PIK3C2A: variants seen among roughly 807,000 people sequenced by gnomAD.
The protein encoded by PIK3C2A is phosphatidylinositol-4-phosphate 3-kinase catalytic subunit type 2 alpha, also known as phosphatidylinositol 4-phosphate 3-kinase C2 domain-containing subunit alpha.
Under a neutral mutation model 204.5 loss-of-function variants are expected in PIK3C2A, and 97 were observed. The observed-to-expected ratio is 0.47, with a 90% CI of 0.40 to 0.56. The LOEUF (loss-of-function observed/expected upper bound fraction) is 0.56. Ranked by LOEUF, PIK3C2A falls within the 20% of genes least tolerant of loss-of-function variation. The probability of loss-of-function intolerance (pLI) is 0.00; values close to 1 mark genes in which losing one functional copy is unlikely to be tolerated. For synonymous variants in PIK3C2A, 653 were observed against 664.4 expected (o/e 0.98, Z 0.26); for missense variants, 1,735 against 1,969.2 (o/e 0.88, Z 2.25).
chr11:17,147,275 C>G (rs1850272768), intron 6 of PIK3C2A, among the ~76,000 whole-genome samples: 1 of 152,090 alleles, frequency 6.6e-6, no homozygotes, highest in African/African-American at 2.4e-5. Context: ...AAGCTATTAC[C>G]AACCAAATTT....
At chr11:17,144,701 C>G (rs1236365325) in intron 8 of PIK3C2A, among the ~76,000 whole-genome samples, 1 of 151,842 alleles carries the variant, frequency 6.6e-6, no homozygotes, top group Non-Finnish European at 1.5e-5. Flanking sequence ...TCGAGACCAG[C>G]CTGGCCAACA....
intron 26 of PIK3C2A, 105 bp from the exon 27 acceptor site, chr11:17,097,369 A>G (rs1848484956): frequency 2.8e-6 from 2 of 703,158 alleles, no homozygotes; most frequent in Non-Finnish European, 4.8e-6. Flanking sequence ...AAAAATATTA[A>G]GCAGATTGTC....
intron 2 of PIK3C2A, among the ~76,000 whole-genome samples, chr11:17,160,815 C>A (rs1221016118): frequency 6.6e-6 from 1 of 152,074 alleles, no homozygotes; most frequent in Non-Finnish European, 1.5e-5. Flanking sequence ...CAGAGCAAGA[C>A]CCTGCCTTAA....
chr11:17,178,946 G>T (rs1406360492), intron 1 of PIK3C2A, among the ~76,000 whole-genome samples: 5 of 150,762 alleles, frequency 3.3e-5, no homozygotes, highest in Admixed American at 3.3e-4. Context: ...AGCCAGGATG[G>T]TCTCCATCTC....
At chr11:17,183,501 C>G (rs1232188597) in intron 1 of PIK3C2A, among the ~76,000 whole-genome samples, 3 of 151,980 alleles carry the variant, frequency 2.0e-5, no homozygotes, top group African/African-American at 7.2e-5. Context: ...CATGGTGAAA[C>G]CCCGTCTCTA....
chr11:17,174,215 G>C (rs1851265805), intron 1 of PIK3C2A, among the ~76,000 whole-genome samples: 1 of 152,138 alleles, frequency 6.6e-6, no homozygotes, highest in Admixed American at 6.5e-5. Context: ...ATATATGGTA[G>C]GAAAAATAAA....
In PIK3C2A at chr11:17,114,220, A is replaced by T. The variant is rs1849100506; in HGVS notation, c.3321+141T>A. On this transcript the variant is annotated intron_variant, in intron 20 of 32. Coordinates refer to ENST00000691414, the MANE Select transcript of PIK3C2A (RefSeq NM_002645.4). ...GGTAAAAAAATATGCTAAGATAAAT[A>T]TGGATCCTAATCACAACCATCCATG... 4 of 456,638 alleles carry T rather than the reference A, an allele frequency of 8.8e-6. No individual in the cohort carries two copies. In the South Asian group the frequency reaches 2.3e-4, roughly 26 times the overall value. The allele number at this position is 456,638 out of a possible 1,614,324, so 28.3% of individuals were successfully genotyped here.
chr11:17,188,055 G>A (rs1221972512), intron 1 of PIK3C2A, among the ~76,000 whole-genome samples: 1 of 152,002 alleles, frequency 6.6e-6, no homozygotes, highest in Non-Finnish European at 1.5e-5. Flanking sequence ...CGGGGATTTT[G>A]GGCCAGGCAT....
At chr11:17,154,500 C>T (rs1321022427) in intron 3 of PIK3C2A, among the ~76,000 whole-genome samples, 2 of 152,138 alleles carry the variant, frequency 1.3e-5, no homozygotes, top group East Asian at 3.8e-4. Flanking sequence ...TTAAAGCAGA[C>T]CACACTGAAG....
At chr11:17,194,334 C>G (rs1412483245) in intron 1 of PIK3C2A, 1 of 283,284 alleles carries the variant, frequency 3.5e-6, no homozygotes, top group African/African-American at 2.2e-5. Flanking sequence ...CGTGAGGACA[C>G]AAGGACTGGT....
chr11:17,202,555 CACAG>C (rs1395316351), intron 1 of PIK3C2A, among the ~76,000 whole-genome samples: 1 of 151,656 alleles, frequency 6.6e-6, no homozygotes, highest in Non-Finnish European at 1.5e-5. Context: ...GCCTGAGCGA[CACAG>C]AGAGAACCTC....
chr11:17,155,738 T>C, intron 2 of PIK3C2A, 109 bp from the exon 3 acceptor site: 1 of 563,280 alleles, frequency 1.8e-6, no homozygotes, highest in South Asian at 2.9e-5. Flanking sequence ...GCAATGGAGG[T>C]AAAATAAATC....
intron 20 of PIK3C2A, among the ~76,000 whole-genome samples, chr11:17,112,868 C>A (rs1213199685): frequency 6.6e-6 from 1 of 151,198 alleles, no homozygotes; most frequent in African/African-American, 2.5e-5. Context: ...TTCCCACAAC[C>A]TCTAACTCCT....
chr11:17,202,586 G>A (rs1852427348), intron 1 of PIK3C2A, among the ~76,000 whole-genome samples: 1 of 150,832 alleles, frequency 6.6e-6, no homozygotes. Flanking sequence ...AAAAAAAAAA[G>A]AACAGAACAC....
chr11:17,120,365 C>T (rs1232593188), intron 15 of PIK3C2A, among the ~76,000 whole-genome samples: 1 of 151,884 alleles, frequency 6.6e-6, no homozygotes, highest in African/African-American at 2.4e-5. Context: ...AAAAATACTA[C>T]TATAAAATTT....
chr11:17,094,064 G>A (rs770490962), intron 28 of PIK3C2A, among the ~76,000 whole-genome samples, 197 bp downstream of exon 28: 20 of 152,214 alleles, frequency 1.3e-4, no homozygotes, highest in Non-Finnish European at 2.4e-4. Flanking sequence ...TTAACATCCC[G>A]ATCATTTATT....
chr11:17,119,328 TA>T lies in PIK3C2A; in HGVS notation c.2847-16del. 6.8e-7 allele frequency: 1 copy of T among 1,471,884 alleles called. No homozygotes were observed. The highest frequency in any genetic ancestry group is 9.5e-7 in the Non-Finnish European group (1 of 1,052,086). The allele number at this position is 1,471,884 out of a possible 1,614,324, so 91.2% of individuals were successfully genotyped here. ...GATCAGCAAATCTAGAAGATTACCA[TA>T]AAACCAAGATTGGACAGTGATTTCT... On this transcript the variant is annotated splice_polypyrimidine_tract_variant and intron_variant, in intron 16 of 32. Coordinates refer to ENST00000691414, the MANE Select transcript of PIK3C2A (RefSeq NM_002645.4).
intron 4 of PIK3C2A, among the ~76,000 whole-genome samples, chr11:17,149,622 G>C (rs1335608771): frequency 6.6e-6 from 1 of 151,920 alleles, no homozygotes; most frequent in Non-Finnish European, 1.5e-5. Context: ...CTGTATTTTT[G>C]AGATGGGGTC....
At chr11:17,124,645 C>T (rs1565258230) in intron 13 of PIK3C2A, among the ~76,000 whole-genome samples, 1 of 152,150 alleles carries the variant, frequency 6.6e-6, no homozygotes, top group Non-Finnish European at 1.5e-5. Flanking sequence ...TGTAAATAAA[C>T]TTTTACCAGA....
Sources: allele counts gnomAD v4.1 joint callset (sites outside exome capture counted in the v4.1 genomes callset), GRCh38; gene constraint gnomAD v4.1.1; transcripts MANE v1.5; gene names NCBI Gene and HGNC (gene_info 2026-07-23, HGNC 2026-07-21).